TUBGCP5: variants seen among roughly 807,000 people sequenced by gnomAD.
The protein encoded by TUBGCP5 is gamma-tubulin complex component 5.
Under a neutral mutation model 134.7 loss-of-function variants are expected in TUBGCP5, and 98 were observed. The ratio of observed to expected loss-of-function variants is 0.73; its 90% CI spans 0.62 to 0.86. The LOEUF (loss-of-function observed/expected upper bound fraction) is 0.86. Among genes scored for constraint, TUBGCP5 ranks in the 40% least tolerant of loss-of-function variants. The pLI is 0.00. For synonymous variants in TUBGCP5, 456 were observed against 431.4 expected (o/e 1.06, Z -0.71); for missense variants, 1,150 against 1,244.8 (o/e 0.92, Z 1.15).
At position 23,027,273 on chromosome 15, in the gene TUBGCP5, T is replaced by C. The variant is rs1395918670; in HGVS notation, c.656A>G (p.His219Arg). 3 of 1,613,836 alleles carry C rather than the reference T, an allele frequency of 1.9e-6. No individual in the cohort carries two copies. Among genetic ancestry groups the C allele is most frequent in the Non-Finnish European group, 2.5e-6 (3 of 1,179,966 alleles). Residue 219 changes from histidine to arginine, a missense_variant, in exon 7 of 23, where the codon CAT (histidine) becomes CGT (arginine). Physicochemically the swap from His to Arg is conservative, Grantham distance 29. This residue lies in a region of TUBGCP5 where 453 missense variants were observed against 394.7 expected (regional missense o/e 1.15). Coordinates refer to ENST00000615383, the MANE Select transcript of TUBGCP5 (RefSeq NM_052903.6). ...GGCTGTCCAGTACTGATGGACCACA[T>C]GATGTTCCAGCCAGCTTCGGTCATC... ...EPDDRSWLEH[H>R]VVHQYWTARP...
chr15:22,991,236 T>C (rs1309141190), intron 23 of TUBGCP5, among the ~76,000 whole-genome samples: 3 of 152,128 alleles, frequency 2.0e-5, no homozygotes, highest in Non-Finnish European at 2.9e-5. Context: ...TAGCTGGGAT[T>C]ACAGGCGCAC....
chr15:22,992,960 G>T (rs1239754252), intron 23 of TUBGCP5, among the ~76,000 whole-genome samples: 1 of 152,008 alleles, frequency 6.6e-6, no homozygotes. Flanking sequence ...AAAAAAAGGA[G>T]ACAGAATTAA....
rs543675969 is a variant in TUBGCP5 at position 23,012,197 on chromosome 15, C to A, written c.1757-866G>T. Among the ~76,000 whole-genome samples, 10 of 151,906 alleles carry A rather than the reference C, an allele frequency of 6.6e-5. No homozygotes were observed. The South Asian group carries it at 2.1e-3, about 32-fold the overall frequency. On this transcript the variant is annotated intron_variant, in intron 13 of 22. Transcript: ENST00000615383. ...AATACTGCATAACACTATGGTAACCCTGATAGGAGTCGCAGTCTCATTGGA... is the reference window on the plus strand; with the variant it reads ...AATACTGCATAACACTATGGTAACCATGATAGGAGTCGCAGTCTCATTGGA...
In TUBGCP5 at chr15:23,027,258, T is replaced by C; in HGVS notation, c.671A>G (p.Tyr224Cys). 1 of 1,614,052 alleles carries C rather than the reference T, an allele frequency of 6.2e-7. No homozygotes were observed. Among genetic ancestry groups the C allele is most frequent in the Non-Finnish European group, 8.5e-7 (1 of 1,179,976 alleles). Reference sequence around the variant, plus strand: ...AAACTGGGAGGGCCTGGCTGTCCAGTACTGATGGACCACATGATGTTCCAG... The same window carrying C: ...AAACTGGGAGGGCCTGGCTGTCCAGCACTGATGGACCACATGATGTTCCAG... ...SWLEHHVVHQ[Y>C]WTARPSQFPH... is the part of the protein sequence containing the mutation. Residue 224 changes from tyrosine to cysteine, a missense_variant, in exon 7 of 23, where the codon TAC becomes TGC. Physicochemically the swap from Tyr to Cys is radical, Grantham distance 194. Transcript: ENST00000615383.
rs1478819447 is a variant in TUBGCP5 at position 23,039,496 on chromosome 15, C to A, written c.48G>T (p.Glu16Asp). The A allele has an allele frequency of 6.6e-7, 1 of 1,515,090 alleles. No individual in the cohort carries two copies. The highest frequency in any genetic ancestry group is 2.7e-5 in the East Asian group (1 of 36,992). 93.9% of individuals were successfully genotyped at this position (1,515,090 alleles called of 1,614,324 possible). A position where few individuals can be genotyped will look rare whatever the true frequency, so the allele number is the denominator to read the frequency against. ...PPWSRLDAQQ[E>D]RDVRELVRGV... ...CCCGGACGAGCTCCCGCACGTCGCG[C>A]TCCTGCTGCGCGTCCAACCGACTCC... The change falls in exon 1 of 23, where the codon GAG (glutamate) becomes GAT (aspartate). Residue 16 changes from glutamate (E) to aspartate (D), a missense_variant. Glu to Asp is a conservative substitution (Grantham distance 45, BLOSUM62 2). This residue lies in a region of TUBGCP5 where 453 missense variants were observed against 394.7 expected (regional missense o/e 1.15). Coordinates refer to ENST00000615383, the MANE Select transcript of TUBGCP5 (RefSeq NM_052903.6).
chr15:22,988,931 T>G (rs1371789151), intron 23 of TUBGCP5, among the ~76,000 whole-genome samples: 1 of 151,742 alleles, frequency 6.6e-6, no homozygotes, highest in Non-Finnish European at 1.5e-5. Flanking sequence ...ACAGGATTTC[T>G]CCATATTGGT....
rs769250150 is a variant in TUBGCP5, at chr15:23,031,060, T to C, written c.487-40A>G. On this transcript the variant is annotated intron_variant, in intron 5 of 22. Transcript: ENST00000615383. Reference sequence around the variant, plus strand: ...AGATACACTTTAGCTTTACAGAGTATAACACTTAAAGCTATTTACATTAAA... The same window carrying C: ...AGATACACTTTAGCTTTACAGAGTACAACACTTAAAGCTATTTACATTAAA... 8 of 1,561,328 alleles carry C rather than the reference T, an allele frequency of 5.1e-6. No homozygotes were observed. In the South Asian group the frequency reaches 8.5e-5, roughly 17 times the overall value.
intron 3 of TUBGCP5, 89 bp from the exon 4 acceptor site, chr15:23,032,913 G>T: frequency 1.1e-6 from 1 of 936,528 alleles, no homozygotes; most frequent in Non-Finnish European, 1.5e-6. Flanking sequence ...TGACAGTTAT[G>T]TCCCCAATTT....
chr15:22,995,739 GAC>G (rs2064043132), downstream of TUBGCP5, among the ~76,000 whole-genome samples: 1 of 152,052 alleles, frequency 6.6e-6, no homozygotes, highest in Non-Finnish European at 1.5e-5. Context: ...GACCAATGAA[GAC>G]ACAGAACACA....
At chr15:23,008,445 G>A (rs949424859) in intron 16 of TUBGCP5, 1 of 456,572 alleles carries the variant, frequency 2.2e-6, no homozygotes, top group African/African-American at 2.0e-5. Context: ...TTTTAGTAGA[G>A]ACAGAGTTTC....
intron 11 of TUBGCP5, among the ~76,000 whole-genome samples, chr15:23,021,258 A>G (rs2065671343): frequency 6.6e-6 from 1 of 152,196 alleles, no homozygotes; most frequent in Admixed American, 6.5e-5. Flanking sequence ...GGCGTGAGCC[A>G]CTATGCATGG....
rs1595917933 is a variant in TUBGCP5 at position 23,037,297 on chromosome 15, C to T, written c.147-145G>A. The T allele has an allele frequency of 4.0e-6, 3 of 755,276 alleles. No individual in the cohort carries two copies. The East Asian group carries it at 7.4e-5, about 19-fold the overall frequency. 46.8% of individuals were successfully genotyped at this position (755,276 alleles called of 1,614,324 possible). ...TGTACCTTGTCCTCCGTTACCTCCA[C>T]CATCAGGCAGGCAAATAATCACCGT... On this transcript the variant is annotated intron_variant, in intron 1 of 22. Coordinates refer to ENST00000615383, the MANE Select transcript of TUBGCP5 (RefSeq NM_052903.6).
chr15:23,009,458 C>T (rs187377756), intron 15 of TUBGCP5, among the ~76,000 whole-genome samples: 3 of 151,978 alleles, frequency 2.0e-5, no homozygotes, highest in South Asian at 4.2e-4. Context: ...TTAGTAGAGA[C>T]GGGGTTTCAC....
At chr15:23,005,011 A>G in intron 19 of TUBGCP5, among the ~76,000 whole-genome samples, 1 of 152,230 alleles carries the variant, frequency 6.6e-6, no homozygotes, top group East Asian at 1.9e-4. Context: ...TTTACTTTGT[A>G]GTGAGTTCTT....
In TUBGCP5 at chr15:22,999,761, A is replaced by G. The variant is rs953177621; in HGVS notation, c.*59T>C. On this transcript the variant is annotated 3_prime_UTR_variant, in exon 23 of 23. Transcript: ENST00000615383. ...AAATATTTTCACTTTTCAGCTGCAC[A>G]TGGTGGAAATGTACATGTATGATGA... The G allele has an allele frequency of 1.3e-6, 2 of 1,539,872 alleles. No individual in the cohort carries two copies. The highest frequency in any genetic ancestry group is 1.8e-6 in the Non-Finnish European group (2 of 1,115,424).
At chr15:23,037,838 C>G (rs1006437947) in intron 1 of TUBGCP5, among the ~76,000 whole-genome samples, 3 of 152,196 alleles carry the variant, frequency 2.0e-5, no homozygotes, top group Non-Finnish European at 4.4e-5. Context: ...TGAGCTTGCT[C>G]AGTGCAAGCT....
At chr15:22,988,187 G>A (rs1221799884) in intron 23 of TUBGCP5, among the ~76,000 whole-genome samples, 1 of 151,912 alleles carries the variant, frequency 6.6e-6, no homozygotes, top group East Asian at 1.9e-4. Context: ...TCTTGAGATG[G>A]GATCATCTTA....
At chr15:23,039,177 G>A (rs1055343097) in intron 1 of TUBGCP5, among the ~76,000 whole-genome samples, 7 of 152,058 alleles carry the variant, frequency 4.6e-5, no homozygotes, top group African/African-American at 1.4e-4. Flanking sequence ...GTGACGATCA[G>A]GACGCGTCCC....
intron 16 of TUBGCP5, chr15:23,008,484 C>T: frequency 1.7e-6 from 1 of 595,938 alleles, no homozygotes; most frequent in Non-Finnish European, 2.9e-6. Flanking sequence ...GTCTCGAACT[C>T]CTGACCTCAG....
Sources: allele counts gnomAD v4.1 joint callset (sites outside exome capture counted in the v4.1 genomes callset), GRCh38; gene constraint gnomAD v4.1.1; regional missense constraint gnomAD v4.1.1; transcripts MANE v1.5; gene names NCBI Gene and HGNC (gene_info 2026-07-23, HGNC 2026-07-21).